XKR9: variants seen among roughly 807,000 people sequenced by gnomAD.
The protein encoded by XKR9 is XK related 9, also known as XK-related protein 9.
Under a neutral mutation model 32.0 loss-of-function variants are expected in XKR9, and 32 were observed. The observed-to-expected ratio is 1.00, with a 90% CI of 0.76 to 1.34. The LOEUF is 1.34. Among genes scored for constraint, XKR9 ranks in the 40% most tolerant of loss-of-function variants. The probability of loss-of-function intolerance (pLI) is 0.00; values close to 1 mark genes in which losing one functional copy is unlikely to be tolerated. For synonymous variants in XKR9, 168 were observed against 143.4 expected, an observed-to-expected ratio of 1.17 and a Z score of -1.22; for missense variants, 546 against 429.7, an observed-to-expected ratio of 1.27 and a Z score of -2.39.
intron 2 of XKR9, among the ~76,000 whole-genome samples, chr8:70,778,281 C>A (rs923724197): frequency 6.6e-6 from 1 of 152,022 alleles, no homozygotes; most frequent in African/African-American, 2.4e-5. Context: ...ATTTCTGAGG[C>A]CTCTGTTCTG....
chr8:71,020,208 C>T, the XKR9 span, among the ~76,000 whole-genome samples: 4 of 152,156 alleles, frequency 2.6e-5, no homozygotes, highest in Non-Finnish European at 4.4e-5. Flanking sequence ...TCAAAATCTA[C>T]GAGGTGCTGC....
At chr8:71,042,876 C>T in the XKR9 span, among the ~76,000 whole-genome samples, 1 of 152,134 alleles carries the variant, frequency 6.6e-6, no homozygotes, top group African/African-American at 2.4e-5. Flanking sequence ...CGTTGCTTCC[C>T]TCCTTGGTCA....
the XKR9 span, among the ~76,000 whole-genome samples, chr8:70,979,233 T>A: frequency 6.6e-6 from 1 of 152,236 alleles, no homozygotes; most frequent in African/African-American, 2.4e-5. Flanking sequence ...TGAAGCCTAC[T>A]TCTGTCAACT....
chr8:70,821,184 A>G, the XKR9 span, among the ~76,000 whole-genome samples: 3 of 152,252 alleles, frequency 2.0e-5, no homozygotes, highest in Non-Finnish European at 4.4e-5. Flanking sequence ...TACAGGCCCC[A>G]TGCAAGTCTG....
At chr8:70,978,551 T>C in the XKR9 span, among the ~76,000 whole-genome samples, 1 of 152,230 alleles carries the variant, frequency 6.6e-6, no homozygotes, top group South Asian at 2.1e-4. Flanking sequence ...TTAAGAATGT[T>C]GAATATCGGC....
At chr8:70,852,875 T>C in the XKR9 span, among the ~76,000 whole-genome samples, 1 of 151,992 alleles carries the variant, frequency 6.6e-6, no homozygotes, top group African/African-American at 2.4e-5. Flanking sequence ...AAAGGAGGGA[T>C]AGCAGTAGGA....
chr8:70,726,269 T>A (rs986688294), intron 4 of XKR9, among the ~76,000 whole-genome samples: 16 of 152,206 alleles, frequency 1.1e-4, no homozygotes, highest in Non-Finnish European at 2.2e-4. Flanking sequence ...ATTTTAAGAA[T>A]GGATGAAACA....
At chr8:70,989,480 G>A in the XKR9 span, among the ~76,000 whole-genome samples, 1 of 152,134 alleles carries the variant, frequency 6.6e-6, no homozygotes, top group African/African-American at 2.4e-5. Context: ...AAAACAATAT[G>A]ACTCCTTTTT....
intron 3 of XKR9, among the ~76,000 whole-genome samples, chr8:70,701,452 C>G (rs1261258087): frequency 6.6e-6 from 1 of 152,190 alleles, no homozygotes; most frequent in Non-Finnish European, 1.5e-5. Flanking sequence ...CTTGCCCCTT[C>G]TGTTTCTCTC....
the XKR9 span, among the ~76,000 whole-genome samples, chr8:71,026,496 G>C: frequency 6.6e-6 from 1 of 152,174 alleles, no homozygotes; most frequent in Non-Finnish European, 1.5e-5. Context: ...CAAATGTTAT[G>C]ATAGAAGAAA....
the XKR9 span, among the ~76,000 whole-genome samples, chr8:70,847,388 G>T: frequency 1.3e-5 from 2 of 151,690 alleles, no homozygotes; most frequent in Admixed American, 6.6e-5. Context: ...CAACAAGAAA[G>T]TAAATATTTC....
intron 2 of XKR9, among the ~76,000 whole-genome samples, chr8:70,753,288 A>G (rs62532072): frequency 0.073 from 11,024 of 151,976 alleles, 474 homozygotes; most frequent in Non-Finnish European, 0.089. Flanking sequence ...TTACCAACCA[A>G]AAAGAGTCCA....
chr8:70,836,017 C>G, the XKR9 span, among the ~76,000 whole-genome samples: 2 of 151,850 alleles, frequency 1.3e-5, no homozygotes, highest in South Asian at 4.2e-4. Context: ...TATATCTGTC[C>G]ATAGATTCTA....
the XKR9 span, among the ~76,000 whole-genome samples, chr8:70,878,139 T>C: frequency 4.6e-5 from 7 of 152,172 alleles, no homozygotes; most frequent in Admixed American, 1.3e-4. Flanking sequence ...AGGCCTGCCT[T>C]ACAGGAACTC....
At chr8:70,838,371 G>A in the XKR9 span, among the ~76,000 whole-genome samples, 1 of 152,022 alleles carries the variant, frequency 6.6e-6, no homozygotes, top group Non-Finnish European at 1.5e-5. Flanking sequence ...ATGTCATTTA[G>A]TTAGGTAGGT....
the XKR9 span, among the ~76,000 whole-genome samples, chr8:71,005,292 A>G: frequency 0.43 from 62,913 of 147,116 alleles, 14,349 homozygotes; most frequent in Non-Finnish European, 0.52. Context: ...GTGCAATCTC[A>G]GCTCACTGCA....
the XKR9 span, among the ~76,000 whole-genome samples, chr8:71,061,163 A>C: frequency 1.3e-5 from 2 of 152,206 alleles, no homozygotes; most frequent in Admixed American, 6.5e-5. Context: ...TCAAGGTTAC[A>C]TACTAGTAAG....
chr8:71,030,436 A>C, the XKR9 span, among the ~76,000 whole-genome samples: 1 of 152,306 alleles, frequency 6.6e-6, no homozygotes, highest in South Asian at 2.1e-4. Flanking sequence ...TTTGCTCGGA[A>C]ATATAGCAAA....
chr8:71,003,736 C>T, the XKR9 span, among the ~76,000 whole-genome samples: 1 of 152,136 alleles, frequency 6.6e-6, no homozygotes, highest in African/African-American at 2.4e-5. Context: ...CCAGAAAGAA[C>T]AAAGTTATCC....
Sources: allele counts gnomAD v4.1 joint callset (sites outside exome capture counted in the v4.1 genomes callset), GRCh38; gene constraint gnomAD v4.1.1; transcripts MANE v1.5; gene names NCBI Gene and HGNC (gene_info 2026-07-23, HGNC 2026-07-21).